The following FAM178B variants were observed in gnomAD, a reference collection of about 807,000 sequenced individuals.
The protein encoded by FAM178B is protein FAM178B.
FAM178B carries 82 observed loss-of-function variants against 91.7 expected under a neutral mutation model. The ratio of observed to expected loss-of-function variants is 0.89; its 90% confidence interval spans 0.75 to 1.07. FAM178B has a LOEUF of 1.07. FAM178B is among the 50% of genes least tolerant of loss of function. FAM178B has a pLI of 0.00. For missense variants in FAM178B, 769 were observed against 846.7 expected (o/e 0.91, Z 1.14); for synonymous variants, 368 against 359.4 (o/e 1.02, Z -0.27).
intron 6 of FAM178B, among the ~76,000 whole-genome samples, chr2:96,959,841 G>A (rs1303430675): frequency 6.6e-6 from 1 of 152,204 alleles, no homozygotes. Flanking sequence ...GTTAGAGCAT[G>A]TGCCTGCAGC....
chr2:96,894,363 C>T (rs2080759201), intron 13 of FAM178B, among the ~76,000 whole-genome samples: 1 of 141,274 alleles, frequency 7.1e-6, no homozygotes, highest in Non-Finnish European at 1.6e-5. Flanking sequence ...ACCCACTCAC[C>T]CACCCACTCA....
chr2:96,977,246 G>A (rs1471972612), intron 1 of FAM178B, among the ~76,000 whole-genome samples: 4 of 146,398 alleles, frequency 2.7e-5, no homozygotes, highest in East Asian at 2.0e-4. Flanking sequence ...TTAGCCAGGC[G>A]TGGTGGCATG....
chr2:96,924,554 C>T (rs918819163), intron 9 of FAM178B, among the ~76,000 whole-genome samples: 6 of 152,200 alleles, frequency 3.9e-5, no homozygotes, highest in East Asian at 1.9e-4. Context: ...AGGGGGACCT[C>T]GGTGGGGCTT....
At chr2:96,902,550 G>A in intron 13 of FAM178B, 70 bp downstream of exon 13, 1 of 1,068,698 alleles carries the variant, frequency 9.4e-7, no homozygotes. Context: ...TGATGTTCCT[G>A]GCCTTTGGGG....
At chr2:96,929,158 C>G in intron 9 of FAM178B, 48 bp downstream of exon 9, 1 of 1,342,036 alleles carries the variant, frequency 7.5e-7, no homozygotes, top group Non-Finnish European at 1.0e-6. Context: ...GACCCTGTCT[C>G]TTAAAAAATA....
intron 14 of FAM178B, among the ~76,000 whole-genome samples, chr2:96,892,548 C>T (rs183825893): frequency 3.3e-4 from 51 of 152,274 alleles, no homozygotes; most frequent in African/African-American, 1.0e-3. Context: ...GAAAAGGCAT[C>T]CTCAGCCTGC....
chr2:96,940,567 T>A (rs942100621), intron 8 of FAM178B, among the ~76,000 whole-genome samples: 5 of 152,092 alleles, frequency 3.3e-5, no homozygotes, highest in Admixed American at 2.6e-4. Context: ...CCACAAAGAG[T>A]ACCTACTGCA....
chr2:96,948,547 G>C (rs766096201), intron 7 of FAM178B, among the ~76,000 whole-genome samples: 1 of 152,230 alleles, frequency 6.6e-6, no homozygotes, highest in Non-Finnish European at 1.5e-5. Context: ...TGGGACAGCA[G>C]CAGCCCACAG....
rs1364645222 is a variant in FAM178B at position 96,932,241 on chromosome 2, C to A, written c.1079-2921G>T. ...CCTGACTCACAGGCAGCAGTGCCCA[C>A]TCTGCCAGCCTCCAGCTGGGCATCA... On this transcript the variant is annotated intron_variant, in intron 8 of 16. Transcript: ENST00000490605. Among the ~76,000 whole-genome samples the A allele has an allele frequency of 2.0e-5, 3 of 152,348 alleles. No homozygotes were observed. The East Asian group carries it at 5.8e-4, about 29-fold the overall frequency.
intron 12 of FAM178B, among the ~76,000 whole-genome samples, chr2:96,905,611 AG>A (rs1277045439): frequency 6.0e-5 from 9 of 149,552 alleles, no homozygotes; most frequent in African/African-American, 2.2e-4. Context: ...GAAGGGAGAT[AG>A]GATTGCTAGA....
At chr2:96,908,464 C>T (rs145727124) in intron 12 of FAM178B, among the ~76,000 whole-genome samples, 171 of 152,300 alleles carry the variant, frequency 1.1e-3, no homozygotes, top group African/African-American at 3.7e-3. Flanking sequence ...CTTTGGGAAA[C>T]TGAGGCAGGA....
intron 7 of FAM178B, among the ~76,000 whole-genome samples, chr2:96,948,913 T>C (rs1291168206): frequency 6.6e-6 from 1 of 151,976 alleles, no homozygotes; most frequent in Non-Finnish European, 1.5e-5. Context: ...GGGCAAATAC[T>C]CTCCCTCCCT....
At chr2:96,922,522 G>A (rs995433120) in intron 10 of FAM178B, among the ~76,000 whole-genome samples, 1 of 152,074 alleles carries the variant, frequency 6.6e-6, no homozygotes, top group Admixed American at 6.5e-5. Flanking sequence ...ACTAATTATT[G>A]TATGTTTAGT....
chr2:96,905,040 C>G (rs576129639), intron 12 of FAM178B, among the ~76,000 whole-genome samples: 113 of 146,810 alleles, frequency 7.7e-4, no homozygotes, highest in African/African-American at 2.7e-3. Flanking sequence ...GGATTACAGG[C>G]AACCCCAACT....
chr2:96,896,337 GC>G (rs1298886427), intron 13 of FAM178B, among the ~76,000 whole-genome samples: 2 of 152,206 alleles, frequency 1.3e-5, no homozygotes, highest in African/African-American at 4.8e-5. Flanking sequence ...GTGCCGTTGT[GC>G]CTTCCGATTG....
At chr2:96,974,668 A>T (rs1167729528) in intron 1 of FAM178B, among the ~76,000 whole-genome samples, 4 of 152,176 alleles carry the variant, frequency 2.6e-5, no homozygotes, top group Non-Finnish European at 5.9e-5. Flanking sequence ...GCAAAAAGAT[A>T]TTCCATGCAA....
At chr2:96,937,686 G>C (rs896393386) in intron 8 of FAM178B, among the ~76,000 whole-genome samples, 2 of 152,178 alleles carry the variant, frequency 1.3e-5, no homozygotes, top group African/African-American at 2.4e-5. Flanking sequence ...GCTCAGTACT[G>C]GGGGAGCTGC....
At chr2:96,959,751 C>A (rs1394389922) in intron 6 of FAM178B, among the ~76,000 whole-genome samples, 1 of 152,194 alleles carries the variant, frequency 6.6e-6, no homozygotes, top group Non-Finnish European at 1.5e-5. Context: ...TAAAAATTCT[C>A]TCAAAAAGCA....
chr2:96,937,110 G>A (rs532567857), intron 8 of FAM178B, among the ~76,000 whole-genome samples: 1 of 101,764 alleles, frequency 9.8e-6, no homozygotes, highest in African/African-American at 8.3e-5. Context: ...GCCCAGACTG[G>A]TATGGAACTC....
Sources: allele counts gnomAD v4.1 joint callset (sites outside exome capture counted in the v4.1 genomes callset), GRCh38; gene constraint gnomAD v4.1.1; transcripts MANE v1.5; gene names NCBI Gene and HGNC (gene_info 2026-07-23, HGNC 2026-07-21).